The following SYT4 variants were observed in gnomAD, a reference collection of about 807,000 sequenced individuals.
SYT4 encodes synaptotagmin 4, also known as synaptotagmin-4.
A neutral mutation model predicts 32.9 loss-of-function variants in SYT4; 7 were observed. That is an observed-to-expected ratio of 0.21 (90% CI 0.12 to 0.40). SYT4 has a LOEUF of 0.40. SYT4 is among the 10% of genes least tolerant of loss of function. The pLI, the probability that SYT4 is intolerant of heterozygous loss-of-function variation, is 1.00. For missense variants in SYT4, 480 were observed against 488.0 expected (o/e 0.98, Z 0.16); for synonymous variants, 205 against 186.2 (o/e 1.10, Z -0.82).
At position 43,274,102 on chromosome 18, in the gene SYT4, G is replaced by A; in HGVS notation, c.327C>T (p.Asn109=). ...GATCAGAAGGACTGCCAGGTTTGAG[G>A]TTGGTTTTGGGAAAATTGCCATTGA... ...RDLNGNFPKT[N]LKPGSPSDLE... The change falls in exon 2 of 4, where the codon AAC becomes AAT. Residue 109 remains asparagine (N), a synonymous_variant. Coordinates refer to ENST00000255224, the MANE Select transcript of SYT4 (RefSeq NM_020783.4). 6.2e-7 allele frequency: 1 copy of A among 1,614,056 alleles called. No individual in the cohort carries two copies. Among genetic ancestry groups the A allele is most frequent in the Non-Finnish European group, 8.5e-7 (1 of 1,179,938 alleles).
At position 43,277,206 on chromosome 18, in the gene SYT4, T is replaced by G. The variant is rs141658888; in HGVS notation, c.34+42A>C. The G allele has an allele frequency of 8.9e-4, 1,441 of 1,613,300 alleles. 14 individuals are homozygous for G. In the African/African-American group the frequency reaches 0.017, roughly 19 times the overall value. On this transcript the variant is annotated intron_variant, in intron 1 of 3. Transcript: ENST00000255224. ...TGAATAAACAGTCCACCCCAGAGTA[T>G]TCAAGGAATAACCGCAGTCATAAGT...
Position 43,277,265 on chromosome 18 carries a change from G to C in SYT4, c.17C>G (p.Thr6Ser), listed in dbSNP as rs777626017. 21 of 1,613,934 alleles carry C rather than the reference G, an allele frequency of 1.3e-5. No individual in the cohort carries two copies. Among genetic ancestry groups the C allele is most frequent in the Non-Finnish European group, 1.8e-5 (21 of 1,179,960 alleles). Residue 6 changes from threonine to serine, a missense_variant, in exon 1 of 4, where the codon ACC becomes AGC. Coordinates refer to ENST00000255224, the MANE Select transcript of SYT4 (RefSeq NM_020783.4). MAPIT[T>S]SREEFDEIPT... The stretch of plus-strand genomic sequence containing the variant: ...TTGCTTACCAAATTCTTCCCGGCTG[G>C]TGGTGATCGGAGCCATTTTTTACTG...
chr18:43,274,436 A>G, intron 1 of SYT4, 42 bp from the exon 2 acceptor site: 1 of 1,481,758 alleles, frequency 6.7e-7, no homozygotes, highest in South Asian at 1.3e-5. Flanking sequence ...AAAGAAGCAG[A>G]GCTGGAGATA....
Position 43,274,374 on chromosome 18 carries a change from C to T in SYT4, c.55G>A (p.Gly19Arg). The change falls in exon 2 of 4, where the codon GGG becomes AGG. Residue 19 changes from glycine to arginine, a missense_variant. Physicochemically the swap from Gly to Arg is moderately radical, Grantham distance 125. Coordinates refer to ENST00000255224, the MANE Select transcript of SYT4 (RefSeq NM_020783.4). ...EEFDEIPTVVGIFSAFGLVFT... is the reference protein window; with the variant it reads ...EEFDEIPTVVRIFSAFGLVFT... ...ACCAGGCCAAATGCACTGAAGATCC[C>T]CACCACTGTGGGGATTTCATCTGAA... 1 of 1,600,788 alleles carries T rather than the reference C, an allele frequency of 6.2e-7. No homozygotes were observed. The highest frequency in any genetic ancestry group is 8.5e-7 in the Non-Finnish European group (1 of 1,177,328).
Position 43,270,524 on chromosome 18 carries a change from C to G in SYT4, c.1095G>C (p.Glu365Asp). 2.5e-6 allele frequency: 4 copies of G among 1,614,068 alleles called. No individual in the cohort carries two copies. The highest frequency in any genetic ancestry group is 3.4e-6 in the Non-Finnish European group (4 of 1,179,984). The change falls in exon 4 of 4, where the codon GAG (glutamate) becomes GAC (aspartate). Residue 365 changes from glutamate (E) to aspartate (D), a missense_variant. Glu to Asp is a conservative substitution (Grantham distance 45, BLOSUM62 2). Coordinates refer to ENST00000255224, the MANE Select transcript of SYT4 (RefSeq NM_020783.4). ...NELFVFDIPCEGLEDISVEFL... is the reference protein window; with the variant it reads ...NELFVFDIPCDGLEDISVEFL... Reference sequence around the variant, plus strand: ...ATTCAACACTTATATCTTCAAGGCCCTCACAAGGAATATCAAAGACAAACA... The same window carrying G: ...ATTCAACACTTATATCTTCAAGGCCGTCACAAGGAATATCAAAGACAAACA...
In SYT4 at chr18:43,277,469, C is replaced by T. The variant is rs963990021; in HGVS notation, c.-188G>A. 54 of 616,128 alleles carry T rather than the reference C, an allele frequency of 8.8e-5. No individual in the cohort carries two copies. The African/African-American group carries it at 9.6e-4, about 11-fold the overall frequency. 38.2% of individuals were successfully genotyped at this position (616,128 alleles called of 1,614,324 possible). A position where few individuals can be genotyped will look rare whatever the true frequency, so the allele number is the denominator to read the frequency against. On this transcript the variant is annotated 5_prime_UTR_variant, in exon 1 of 4. Coordinates refer to ENST00000255224, the MANE Select transcript of SYT4 (RefSeq NM_020783.4). ...GCCCTCGCACAGTGATTTGCCACCTCGGTTCCTGTTTTGGCTCTTCTGAGA... is the reference window on the plus strand; with the variant it reads ...GCCCTCGCACAGTGATTTGCCACCTTGGTTCCTGTTTTGGCTCTTCTGAGA...
In SYT4 at chr18:43,268,246, T is replaced by C. The variant is rs1265039912; in HGVS notation, c.*2095A>G. On this transcript the variant is annotated 3_prime_UTR_variant, in exon 4 of 4. Transcript: ENST00000255224. ...AGGTATTAAGATCTCCCTGCCTGTT[T>C]CAATTCCTTTGTTGTTTCTTTTCTC... 1 of 152,654 alleles carries C rather than the reference T, an allele frequency of 6.6e-6. No individual in the cohort carries two copies. Among genetic ancestry groups the C allele is most frequent in the East Asian group, 1.9e-4 (1 of 5,202 alleles). The allele number at this position is 152,654 out of a possible 1,614,324, so 9.5% of individuals were successfully genotyped here.
rs368892366 is a variant in SYT4, at chr18:43,274,248, C to A, written c.181G>T (p.Asp61Tyr). The change falls in exon 2 of 4, where the codon GAT becomes TAT. Residue 61 changes from aspartate to tyrosine, a missense_variant. Asp to Tyr is a radical substitution (Grantham distance 160). Coordinates refer to ENST00000255224, the MANE Select transcript of SYT4 (RefSeq NM_020783.4). ...CTATTTAGGTTTTCAGGGTAAATAT[C>A]AACTCCCTTAAGCACATGCACAAAC... Reference protein sequence around the residue: ...YKFVHVLKGVDIYPENLNSKK... With the variant: ...YKFVHVLKGVYIYPENLNSKK... The A allele has an allele frequency of 6.2e-7, 1 of 1,613,934 alleles. No individual in the cohort carries two copies. Among genetic ancestry groups the A allele is most frequent in the Non-Finnish European group, 8.5e-7 (1 of 1,179,938 alleles).
chr18:43,273,503 T>G, intron 2 of SYT4, 77 bp downstream of exon 2: 1 of 931,986 alleles, frequency 1.1e-6, no homozygotes, highest in South Asian at 1.8e-5. Flanking sequence ...CTTATCATAT[T>G]AATAAAAATT....
chr18:43,277,183 A>C (rs2144371070), intron 1 of SYT4, 65 bp downstream of exon 1: 1 of 1,597,222 alleles, frequency 6.3e-7, no homozygotes, highest in East Asian at 2.3e-5. Flanking sequence ...AAAATAAATG[A>C]ATAAACAGTC....
Position 43,269,585 on chromosome 18 carries a change from G to C in SYT4, c.*756C>G, listed in dbSNP as rs1908561890. On this transcript the variant is annotated 3_prime_UTR_variant, in exon 4 of 4. Coordinates refer to ENST00000255224, the MANE Select transcript of SYT4 (RefSeq NM_020783.4). ...TAGGGATTTCTCAGGCCACACTGAG[G>C]CTTGTGACAGGCAGTGAATAATCCA... The C allele has an allele frequency of 6.6e-6, 1 of 152,558 alleles. No homozygotes were observed. Among genetic ancestry groups the C allele is most frequent in the African/African-American group, 2.4e-5 (1 of 41,438 alleles). The allele number at this position is 152,558 out of a possible 1,614,324, so 9.5% of individuals were successfully genotyped here.
chr18:43,274,136 T>C lies in SYT4; in HGVS notation c.293A>G (p.Lys98Arg). 3 of 1,614,104 alleles carry C rather than the reference T, an allele frequency of 1.9e-6. No individual in the cohort carries two copies. In the South Asian group the frequency reaches 3.3e-5, roughly 18 times the overall value. The change falls in exon 2 of 4, where the codon AAG (lysine) becomes AGG (arginine). Residue 98 changes from lysine to arginine, a missense_variant. By Grantham distance (26) the Lys-to-Arg change is conservative. Transcript: ENST00000255224. ...PKNSLHLDLE[K>R]RDLNGNFPKT... Reference sequence around the variant, plus strand: ...GGGAAAATTGCCATTGAGATCTCTCTTTTCAAGATCCAGATGCAATGAATT... The same window carrying C: ...GGGAAAATTGCCATTGAGATCTCTCCTTTCAAGATCCAGATGCAATGAATT...
At position 43,270,551 on chromosome 18, in the gene SYT4, C is replaced by T; in HGVS notation, c.1068G>A (p.Glu356=). 1.9e-6 allele frequency: 3 copies of T among 1,614,058 alleles called. No homozygotes were observed. The highest frequency in any genetic ancestry group is 1.3e-5 in the African/African-American group (1 of 75,038). ...CACAAGGAATATCAAAGACAAACAGCTCATTGAACACTGCATTGGGGGTGC... is the reference window on the plus strand; with the variant it reads ...CACAAGGAATATCAAAGACAAACAGTTCATTGAACACTGCATTGGGGGTGC... ...KKCTPNAVFN[E]LFVFDIPCEG... The change falls in exon 4 of 4, where the codon GAG becomes GAA. Residue 356 remains glutamate, a synonymous_variant. Transcript: ENST00000255224.
chr18:43,271,775 T>A lies in SYT4; in HGVS notation c.907A>T (p.Thr303Ser). The A allele has an allele frequency of 6.2e-7, 1 of 1,613,188 alleles. No individual in the cohort carries two copies. Among genetic ancestry groups the A allele is most frequent in the Non-Finnish European group, 8.5e-7 (1 of 1,179,360 alleles). ...GCTTTTAAGACAACCACAGTTAGAG[T>A]GTTTGTGGTGGACTGATAGCAGAGA... Reference protein sequence around the residue: ...ISLCYQSTTNTLTVVVLKARH... With the variant: ...ISLCYQSTTNSLTVVVLKARH... The change falls in exon 3 of 4, where the codon ACT (threonine) becomes TCT (serine). Residue 303 changes from threonine to serine, a missense_variant. Coordinates refer to ENST00000255224, the MANE Select transcript of SYT4 (RefSeq NM_020783.4).
Position 43,268,763 on chromosome 18 carries a change from T to C in SYT4, c.*1578A>G, listed in dbSNP as rs1316238914. ...AAAAAAGAGGTTGATTTTTAATCTT[T>C]GTACATACAGAATGTAATACATTTT... is the stretch of plus-strand genomic sequence containing the variant. On this transcript the variant is annotated 3_prime_UTR_variant, in exon 4 of 4. Transcript: ENST00000255224. 6.6e-6 allele frequency: 1 copy of C among 152,620 alleles called. No homozygotes were observed. The highest frequency in any genetic ancestry group is 2.4e-5 in the African/African-American group (1 of 41,442). The allele number at this position is 152,620 out of a possible 1,614,324, so 9.5% of individuals were successfully genotyped here.
At position 43,270,221 on chromosome 18, in the gene SYT4, GCAA is replaced by G. The variant is rs955007793; in HGVS notation, c.*117_*119del. The stretch of plus-strand genomic sequence containing the variant: ...GGTCTACTAATTCAATCCATTTCTA[GCAA>G]CAACAACAACAACAAAAAGGTAGCT... On this transcript the variant is annotated 3_prime_UTR_variant, in exon 4 of 4. Coordinates refer to ENST00000255224, the MANE Select transcript of SYT4 (RefSeq NM_020783.4). The G allele has an allele frequency of 2.3e-4, 240 of 1,040,638 alleles. No individual in the cohort carries two copies. The highest frequency in any genetic ancestry group is 3.2e-4 in the Middle Eastern group (1 of 3,120). 64.5% of individuals were successfully genotyped at this position (1,040,638 alleles called of 1,614,324 possible).
chr18:43,272,800 A>C, intron 2 of SYT4, among the ~76,000 whole-genome samples: 1 of 152,176 alleles, frequency 6.6e-6, no homozygotes, highest in East Asian at 1.9e-4. Context: ...TAATTTCAAT[A>C]GGAGAGGAGA....
In SYT4 at chr18:43,269,417, G is replaced by A. The variant is rs943614642; in HGVS notation, c.*924C>T. On this transcript the variant is annotated 3_prime_UTR_variant, in exon 4 of 4. Transcript: ENST00000255224. ...AAATGAAGACTTAGGTGGCCATGCC[G>A]ACTCTGGGTACAAACGATGGCCTTA... is the stretch of plus-strand genomic sequence containing the variant. 2.6e-5 allele frequency: 4 copies of A among 152,210 alleles called. No homozygotes were observed. The highest frequency in any genetic ancestry group is 2.9e-5 in the Non-Finnish European group (2 of 68,024). 9.4% of individuals were successfully genotyped at this position (152,210 alleles called of 1,614,324 possible).
intron 2 of SYT4, among the ~76,000 whole-genome samples, chr18:43,273,260 A>G (rs1270019717): frequency 6.6e-6 from 1 of 152,164 alleles, no homozygotes; most frequent in African/African-American, 2.4e-5. Flanking sequence ...AGAAATATTC[A>G]CCTGTATTTT....
Sources: gnomAD v4.1 joint callset for allele counts (sites outside exome capture counted in the v4.1 genomes callset) on GRCh38, gnomAD v4.1.1 for gene constraint, MANE v1.5 for transcripts, NCBI Gene and HGNC (gene_info 2026-07-23, HGNC 2026-07-21) for gene names.